The following FBXO10 variants were observed in gnomAD, a reference collection of about 807,000 sequenced individuals.
FBXO10 encodes F-box protein 10.
A neutral mutation model predicts 80.7 loss-of-function variants in FBXO10; 39 were observed. That is an observed-to-expected ratio of 0.48 (90% CI 0.37 to 0.63). The LOEUF is 0.63. Among genes scored for constraint, FBXO10 ranks in the 30% least tolerant of loss-of-function variants. The pLI is 0.00. For synonymous variants in FBXO10, 449 were observed against 489.6 expected (o/e 0.92, Z 1.09); for missense variants, 1,025 against 1,269.0 (o/e 0.81, Z 2.92).
Position 37,518,220 on chromosome 9 carries a change from T to C in FBXO10, c.2419A>G (p.Ile807Val), listed in dbSNP as rs1821235141. The C allele has an allele frequency of 3.1e-6, 5 of 1,613,944 alleles. No individual in the cohort carries two copies. In the African/African-American group the frequency reaches 6.7e-5, roughly 22 times the overall value. ...ATGGTGCTGTCGCCCTTGGTGATAA[T>C]GCCGTGGCCTCTGTTGTCATAGATA... ...NGIYDNRGHG[I>V]ITKGDSTIVI... Residue 807 changes from isoleucine (I) to valine (V), a missense_variant, in exon 9 of 11, where the codon ATT (isoleucine) becomes GTT (valine). Ile to Val is a conservative substitution (Grantham distance 29). Transcript: ENST00000432825.
intron 10 of FBXO10, 54 bp from the exon 11 acceptor site, chr9:37,512,775 T>G: frequency 1.9e-6 from 3 of 1,562,128 alleles, no homozygotes; most frequent in Non-Finnish European, 2.6e-6. Context: ...CAGTGCTGGC[T>G]GAATGCCCTG....
At chr9:37,532,126 C>T in intron 3 of FBXO10, 68 bp from the exon 4 acceptor site, 2 of 1,505,868 alleles carry the variant, frequency 1.3e-6, no homozygotes, top group Non-Finnish European at 1.8e-6. Flanking sequence ...ACTGGAGGAA[C>T]ACCTGAGTCT....
At chr9:37,526,346 C>T (rs1196490193) in intron 5 of FBXO10, among the ~76,000 whole-genome samples, 3 of 152,136 alleles carry the variant, frequency 2.0e-5, no homozygotes, top group African/African-American at 4.8e-5. Flanking sequence ...AACTTCATTC[C>T]GTATCCTGCT....
intron 3 of FBXO10, among the ~76,000 whole-genome samples, chr9:37,534,115 A>G (rs151061822): frequency 5.3e-5 from 8 of 152,188 alleles, no homozygotes; most frequent in Admixed American, 4.6e-4. Context: ...ATATATAAAA[A>G]ATCTGGAATG....
At chr9:37,562,724 T>C (rs10814577) in intron 1 of FBXO10, among the ~76,000 whole-genome samples, 49,805 of 151,982 alleles carry the variant, frequency 0.33, 8,268 homozygotes, top group South Asian at 0.34. Context: ...ATAGATTCCC[T>C]GCTGCCACAC....
chr9:37,553,857 G>A (rs918461485), intron 1 of FBXO10, among the ~76,000 whole-genome samples: 20 of 149,166 alleles, frequency 1.3e-4, no homozygotes, highest in South Asian at 1.1e-3. Flanking sequence ...CAGAGGTTGC[G>A]GTGAGCCGAG....
At chr9:37,537,979 G>T in intron 2 of FBXO10, 36 bp from the exon 3 acceptor site, 1 of 1,563,810 alleles carries the variant, frequency 6.4e-7, no homozygotes, top group Non-Finnish European at 8.8e-7. Flanking sequence ...CTGTAAGAGG[G>T]ATGAGATTGG....
chr9:37,521,231 T>G (rs2119062829), intron 8 of FBXO10, among the ~76,000 whole-genome samples: 1 of 152,236 alleles, frequency 6.6e-6, no homozygotes, highest in Non-Finnish European at 1.5e-5. Context: ...CCGCACCGTC[T>G]CAAAAATAAG....
chr9:37,521,939 G>A, intron 7 of FBXO10, 101 bp from the exon 8 acceptor site: 1 of 1,340,180 alleles, frequency 7.5e-7, no homozygotes. Flanking sequence ...CTGGGAGAGA[G>A]TCCCTGCCTT....
chr9:37,546,837 C>T (rs751421946), intron 1 of FBXO10, among the ~76,000 whole-genome samples: 4 of 152,002 alleles, frequency 2.6e-5, no homozygotes, highest in African/African-American at 7.3e-5. Flanking sequence ...TGCGCCACCA[C>T]GCCTGGCTAA....
chr9:37,570,328 A>G (rs1822719500), intron 1 of FBXO10, among the ~76,000 whole-genome samples: 1 of 152,072 alleles, frequency 6.6e-6, no homozygotes, highest in Non-Finnish European at 1.5e-5. Flanking sequence ...AAAAAAAAAG[A>G]AAAGAAATAA....
intron 1 of FBXO10, among the ~76,000 whole-genome samples, chr9:37,568,092 A>G (rs1268953644): frequency 6.6e-6 from 1 of 151,346 alleles, no homozygotes; most frequent in Non-Finnish European, 1.5e-5. Context: ...CCAGGGACAC[A>G]GTAACATTTT....
chr9:37,557,207 C>T (rs2119169190), intron 1 of FBXO10, among the ~76,000 whole-genome samples: 1 of 152,296 alleles, frequency 6.6e-6, no homozygotes. Context: ...TTACAATTGA[C>T]CCGACCATCA....
intron 1 of FBXO10, among the ~76,000 whole-genome samples, chr9:37,573,265 T>C (rs892890911): frequency 3.3e-5 from 5 of 152,104 alleles, no homozygotes; most frequent in African/African-American, 1.2e-4. Flanking sequence ...CCAAGGTTGC[T>C]AGCAGGAAGG....
chr9:37,529,284 C>T lies in FBXO10; in HGVS notation c.1570-24G>A, dbSNP rs747419925. On this transcript the variant is annotated intron_variant, in intron 4 of 10. Coordinates refer to ENST00000432825, the MANE Select transcript of FBXO10 (RefSeq NM_012166.3). ...CACTGCAAGTGAAAATGAGACACCA[C>T]AGAAGCCAGATCAGACACGTCAGCG... 25 of 1,589,890 alleles carry T rather than the reference C, an allele frequency of 1.6e-5. No homozygotes were observed. The African/African-American group carries it at 3.1e-4, about 20-fold the overall frequency.
intron 1 of FBXO10, among the ~76,000 whole-genome samples, chr9:37,550,169 GTTTTTTTTTTTTTTTTTTT>G (rs74171511): frequency 1.5e-5 from 1 of 68,032 alleles, no homozygotes; most frequent in Non-Finnish European, 2.9e-5. Context: ...GTCGTCTCAG[GTTTTTTTTTTTTTTTTTTT>G]TTTTTTTTTT....
intron 1 of FBXO10, among the ~76,000 whole-genome samples, chr9:37,544,999 A>AG (rs1385486969): frequency 6.7e-6 from 1 of 148,436 alleles, no homozygotes; most frequent in East Asian, 2.0e-4. Flanking sequence ...CTCAAAAAAA[A>AG]AAAAAAAAAA....
chr9:37,535,610 A>C lies in FBXO10; in HGVS notation c.1419+1500T>G, dbSNP rs560859412. Among the ~76,000 whole-genome samples the C allele has an allele frequency of 8.5e-5, 13 of 152,198 alleles. No homozygotes were observed. In the South Asian group the frequency reaches 2.5e-3, roughly 29 times the overall value. On this transcript the variant is annotated intron_variant, in intron 3 of 10. Transcript: ENST00000432825. ...TGAGCTCAGGCAATCTGCCCGCCTCAGCCTCCCAAAGTGCTAGGATTACAG... is the reference window on the plus strand; with the variant it reads ...TGAGCTCAGGCAATCTGCCCGCCTCCGCCTCCCAAAGTGCTAGGATTACAG...
intron 10 of FBXO10, among the ~76,000 whole-genome samples, chr9:37,514,137 G>A (rs1160458827): frequency 6.6e-6 from 1 of 152,194 alleles, no homozygotes; most frequent in Non-Finnish European, 1.5e-5. Context: ...TACAATGAAA[G>A]GACTGGAAAG....
Sources: allele counts gnomAD v4.1 joint callset (sites outside exome capture counted in the v4.1 genomes callset), GRCh38; gene constraint gnomAD v4.1.1; transcripts MANE v1.5; gene names NCBI Gene and HGNC (gene_info 2026-07-23, HGNC 2026-07-21).